Variants in ANK3 observed in about 807,000 individuals in gnomAD.
ANK3 encodes the protein ankyrin-3.
In ANK3, 57 loss-of-function variants were observed where a neutral mutation model predicts 370.9. The ratio of observed to expected loss-of-function variants is 0.15; its 90% CI spans 0.12 to 0.19. The LOEUF (loss-of-function observed/expected upper bound fraction) is 0.19. Among genes scored for constraint, ANK3 ranks in the 10% least tolerant of loss-of-function variants. ANK3 has a pLI of 1.00. For synonymous variants in ANK3, 1,929 were observed against 1,946.3 expected (o/e 0.99, Z 0.23); for missense variants, 4,439 against 5,302.1 (o/e 0.84, Z 5.06).
intron 1 of ANK3, chr10:60,733,122 C>G: frequency 1.5e-6 from 1 of 654,998 alleles, no homozygotes; most frequent in Non-Finnish European, 2.2e-6. Context: ...CACTCGCCCT[C>G]CCGGAGCCTC....
At position 60,573,518 on chromosome 10, in the gene ANK3, C is replaced by T. The variant is rs1366408243; in HGVS notation, c.96+41668G>A. Among the ~76,000 whole-genome samples, 4 of 152,238 alleles carry T rather than the reference C, an allele frequency of 2.6e-5. No individual in the cohort carries two copies. In the East Asian group the frequency reaches 5.8e-4, roughly 22 times the overall value. ...GATCACATTACACACTCCCCAGCTG[C>T]CCTGGCCACACACTGTGCCCACACT... On this transcript the variant is annotated intron_variant, in intron 2 of 43. Transcript: ENST00000373827.
chr10:60,493,451 G>T (rs2075576496), intron 2 of ANK3, among the ~76,000 whole-genome samples: 1 of 152,038 alleles, frequency 6.6e-6, no homozygotes, highest in African/African-American at 2.4e-5. Flanking sequence ...AGGGAAGGAA[G>T]AAGAAGCAAC....
chr10:60,399,874 T>C (rs2063319672), intron 2 of ANK3, among the ~76,000 whole-genome samples: 1 of 152,228 alleles, frequency 6.6e-6, no homozygotes, highest in African/African-American at 2.4e-5. Context: ...TTAAATCAAA[T>C]TTAATTTGGG....
Position 60,106,056 on chromosome 10 carries a change from A to G in ANK3, c.3177T>C (p.Pro1059=), listed in dbSNP as rs1216996360. The change falls in exon 28 of 44, where the codon CCT becomes CCC. Residue 1059 remains proline (P), a synonymous_variant. Coordinates refer to ENST00000280772, the MANE Select transcript of ANK3 (RefSeq NM_020987.5). ...CAAAGTGAGGGATTTCCACTATGAC[A>G]GGGCTGGAAAAAAAATCCACATTAT... ...MGPAGAQFLG[P]VIVEIPHFGS... The G allele has an allele frequency of 1.2e-6, 2 of 1,600,490 alleles. No homozygotes were observed. The highest frequency in any genetic ancestry group is 2.3e-5 in the East Asian group (1 of 44,234).
intron 2 of ANK3, among the ~76,000 whole-genome samples, chr10:60,589,093 G>A (rs1483471058): frequency 6.6e-6 from 1 of 152,108 alleles, no homozygotes; most frequent in East Asian, 1.9e-4. Flanking sequence ...AACATTTAAT[G>A]TTTCATGATA....
chr10:60,301,399 C>T (rs1404834155), intron 1 of ANK3, among the ~76,000 whole-genome samples: 1 of 147,910 alleles, frequency 6.8e-6, no homozygotes, highest in East Asian at 2.0e-4. Flanking sequence ...CATACACACA[C>T]ACACACAATA....
chr10:60,684,774 C>T, intron 1 of ANK3: 1 of 1,555,734 alleles, frequency 6.4e-7, no homozygotes, highest in South Asian at 1.1e-5. Context: ...AGTCATATAC[C>T]AGATGCACAG....
At chr10:60,054,878 CAG>C (rs1261329002) in intron 42 of ANK3, among the ~76,000 whole-genome samples, 3 of 152,072 alleles carry the variant, frequency 2.0e-5, no homozygotes, top group Non-Finnish European at 2.9e-5. Context: ...ATGTAGGAAA[CAG>C]AGCTGCTTTT....
chr10:60,239,152 G>A (rs1333243197), intron 7 of ANK3, among the ~76,000 whole-genome samples: 1 of 152,048 alleles, frequency 6.6e-6, no homozygotes, highest in East Asian at 1.9e-4. Context: ...AAGAGCTGTG[G>A]GATGATACAA....
At chr10:60,692,732 T>G (rs1343675332) in intron 1 of ANK3, among the ~76,000 whole-genome samples, 1 of 152,220 alleles carries the variant, frequency 6.6e-6, no homozygotes, top group East Asian at 1.9e-4. Context: ...TAGTCAATCC[T>G]TTTGAAAGTC....
intron 9 of ANK3, among the ~76,000 whole-genome samples, chr10:60,211,926 A>G (rs1408042124): frequency 1.3e-5 from 2 of 151,640 alleles, no homozygotes; most frequent in African/African-American, 2.4e-5. Flanking sequence ...AAAAAAAGGA[A>G]ATCTGAGGAA....
intron 9 of ANK3, among the ~76,000 whole-genome samples, chr10:60,209,669 C>T (rs1591773517): frequency 6.6e-6 from 1 of 152,186 alleles, no homozygotes; most frequent in Non-Finnish European, 1.5e-5. Flanking sequence ...AAGGTAGGAA[C>T]ATTTCCCATT....
chr10:60,436,125 C>T (rs1431528814), intron 2 of ANK3, among the ~76,000 whole-genome samples: 1 of 152,072 alleles, frequency 6.6e-6, no homozygotes, highest in Non-Finnish European at 1.5e-5. Context: ...AAAATAAAGT[C>T]TCATCAATGT....
upstream of ANK3, among the ~76,000 whole-genome samples, chr10:60,390,978 T>C (rs908029625): frequency 2.6e-5 from 4 of 152,178 alleles, no homozygotes; most frequent in African/African-American, 9.7e-5. Context: ...TCTGGAGCTG[T>C]TGTTTGTCTG....
intron 1 of ANK3, among the ~76,000 whole-genome samples, chr10:60,357,334 G>C (rs960130463): frequency 6.6e-6 from 1 of 152,078 alleles, no homozygotes; most frequent in Non-Finnish European, 1.5e-5. Flanking sequence ...TGTGTCTCTT[G>C]GCTCACTTGT....
chr10:60,555,025 A>T (rs955903818), intron 2 of ANK3, among the ~76,000 whole-genome samples: 1 of 152,230 alleles, frequency 6.6e-6, no homozygotes, highest in Non-Finnish European at 1.5e-5. Context: ...GAACCAGAGT[A>T]CAAAATTCTT....
At position 60,565,316 on chromosome 10, in the gene ANK3, A is replaced by G. The variant is rs1050608935; in HGVS notation, c.96+49870T>C. Among the ~76,000 whole-genome samples the G allele has an allele frequency of 2.0e-5, 3 of 152,174 alleles. No individual in the cohort carries two copies. The East Asian group carries it at 5.8e-4, about 29-fold the overall frequency. ...AGATCTCTTGCATGTGCAGTTCACA[A>G]TAGGGTTCACACTCCTCTGAGAATC... On this transcript the variant is annotated intron_variant, in intron 2 of 43. Transcript: ENST00000373827.
intron 39 of ANK3, 121 bp downstream of exon 39, chr10:60,064,036 G>GT: frequency 1.1e-6 from 1 of 945,562 alleles, no homozygotes; most frequent in South Asian, 2.3e-5. Context: ...TGATCACTTA[G>GT]TTTTCTATAT....
chr10:60,329,966 C>T (rs1487266166), intron 1 of ANK3, among the ~76,000 whole-genome samples: 1 of 152,142 alleles, frequency 6.6e-6, no homozygotes, highest in East Asian at 1.9e-4. Flanking sequence ...GAACAGAGGC[C>T]TCAGAAATAA....
Sources: gnomAD v4.1 joint callset for allele counts (sites outside exome capture counted in the v4.1 genomes callset) on GRCh38, gnomAD v4.1.1 for gene constraint, MANE v1.5 for transcripts, NCBI Gene and HGNC (gene_info 2026-07-23, HGNC 2026-07-21) for gene names.